Variants in ZFYVE16 observed in about 807,000 individuals in gnomAD.
ZFYVE16 encodes zinc finger FYVE-type containing 16.
In ZFYVE16, 89 loss-of-function variants were observed where a neutral mutation model predicts 138.1. That is an observed-to-expected ratio of 0.64 (90% CI 0.54 to 0.77). The LOEUF (loss-of-function observed/expected upper bound fraction) is 0.77, where lower values mean the gene tolerates loss of function less well. Among genes scored for constraint, ZFYVE16 ranks in the 30% least tolerant of loss-of-function variants. ZFYVE16 has a pLI of 0.00. For missense variants in ZFYVE16, 1,793 were observed against 1,786.7 expected (o/e 1.00, Z -0.06); for synonymous variants, 596 against 618.3 (o/e 0.96, Z 0.53).
At chr5:80,444,852 T>C (rs963353605) in intron 6 of ZFYVE16, among the ~76,000 whole-genome samples, 18 of 152,140 alleles carry the variant, frequency 1.2e-4, no homozygotes, top group African/African-American at 3.9e-4. Context: ...TAAATTTTAT[T>C]CAGTCTCTAC....
chr5:80,430,327 T>C (rs1255048383), intron 2 of ZFYVE16, among the ~76,000 whole-genome samples: 1 of 151,668 alleles, frequency 6.6e-6, no homozygotes, highest in African/African-American at 2.4e-5. Context: ...AACAACCTGC[T>C]CCTGAATGAC....
chr5:80,457,260 T>C (rs2112479724), intron 14 of ZFYVE16, among the ~76,000 whole-genome samples, 168 bp downstream of exon 14: 1 of 152,390 alleles, frequency 6.6e-6, no homozygotes, highest in East Asian at 1.9e-4. Flanking sequence ...CTTCTAATTT[T>C]TGTTTTTCTC....
chr5:80,429,208 A>T (rs1185040469), intron 2 of ZFYVE16, among the ~76,000 whole-genome samples: 7 of 152,236 alleles, frequency 4.6e-5, no homozygotes, highest in Non-Finnish European at 7.3e-5. Context: ...CCAGAGAGAA[A>T]GGTCAGGTTA....
At chr5:80,454,663 C>G (rs557882546) in intron 11 of ZFYVE16, 1 of 152,344 alleles carries the variant, frequency 6.6e-6, no homozygotes. Context: ...CCCGCCACCA[C>G]GCCCGGCTAA....
intron 2 of ZFYVE16, among the ~76,000 whole-genome samples, chr5:80,433,704 A>G (rs1306444137): frequency 6.6e-6 from 1 of 152,156 alleles, no homozygotes; most frequent in East Asian, 1.9e-4. Flanking sequence ...AAAAAAGAAA[A>G]AAAAAAGCAT....
In ZFYVE16 at chr5:80,445,381, T is replaced by C. The variant is rs1258214827; in HGVS notation, c.2700T>C (p.Ser900=). Residue 900 remains serine, a synonymous_variant, in exon 7 of 19, where the codon AGT becomes AGC. Transcript: ENST00000505560. ...GTAAAAGATGTTCTGAAGACTTTAGTCCTCTCTCACCTGATGTGCCTATGG... is the reference window on the plus strand; with the variant it reads ...GTAAAAGATGTTCTGAAGACTTTAGCCCTCTCTCACCTGATGTGCCTATGG... The part of the protein sequence containing the change: ...SGSKRCSEDF[S]PLSPDVPMTV... 6.2e-7 allele frequency: 1 copy of C among 1,613,868 alleles called. No homozygotes were observed. The highest frequency in any genetic ancestry group is 8.5e-7 in the Non-Finnish European group (1 of 1,179,918).
In ZFYVE16 at chr5:80,437,521, AAG is replaced by A. The variant is rs1750104103; in HGVS notation, c.839_840del (p.Glu280GlyfsTer30). ...TTACTAAAAGATGTTGGCTTAGTAA[AAG>A]AGGAAGTAGATGTGGCAGTCATAAC... On this transcript the variant is annotated frameshift_variant, in exon 4 of 19. Transcript: ENST00000505560. LOFTEE classifies it high-confidence loss of function. 6.2e-7 allele frequency: 1 copy of A among 1,613,692 alleles called. No individual in the cohort carries two copies. The highest frequency in any genetic ancestry group is 8.5e-7 in the Non-Finnish European group (1 of 1,179,926).
chr5:80,448,437 T>A, intron 8 of ZFYVE16, 33 bp downstream of exon 8: 2 of 1,433,756 alleles, frequency 1.4e-6, no homozygotes, highest in Non-Finnish European at 1.8e-6. Context: ...TTAAAAAGAT[T>A]TAAAAATATA....
At chr5:80,456,015 C>G in intron 12 of ZFYVE16, 1 of 430,146 alleles carries the variant, frequency 2.3e-6, no homozygotes, top group Non-Finnish European at 4.1e-6. Context: ...GATTCATTCT[C>G]CTGCAGTTCT....
intron 13 of ZFYVE16, 133 bp from the exon 14 acceptor site, chr5:80,456,812 C>T (rs550117259): frequency 1.6e-4 from 177 of 1,095,164 alleles, no homozygotes; most frequent in Non-Finnish European, 2.1e-4. Flanking sequence ...CATTTGTTTC[C>T]ATCACATTCC....
At chr5:80,461,120 G>A (rs940869315) in intron 15 of ZFYVE16, among the ~76,000 whole-genome samples, 4 of 152,086 alleles carry the variant, frequency 2.6e-5, no homozygotes, top group Admixed American at 6.5e-5. Flanking sequence ...TTTGAGCGCC[G>A]ACATGACACT....
chr5:80,420,941 A>G (rs1747059796), intron 1 of ZFYVE16, among the ~76,000 whole-genome samples: 1 of 152,178 alleles, frequency 6.6e-6, no homozygotes, highest in Non-Finnish European at 1.5e-5. Context: ...GTTTCTCCAC[A>G]TCCTCTCCAG....
intron 16 of ZFYVE16, among the ~76,000 whole-genome samples, chr5:80,473,490 A>G (rs1381844948): frequency 1.3e-5 from 2 of 152,142 alleles, no homozygotes; most frequent in Admixed American, 6.6e-5. Flanking sequence ...CAGCTTTTCT[A>G]TTAGACTATC....
Position 80,438,330 on chromosome 5 carries a change from T to G in ZFYVE16, c.1645T>G (p.Ser549Ala), listed in dbSNP as rs1304776359. Residue 549 changes from serine to alanine, a missense_variant, in exon 4 of 19, where the codon TCT (serine) becomes GCT (alanine). This residue lies in a region of ZFYVE16 where 1,295 missense variants were observed against 1,204.3 expected (regional missense o/e 1.08). Transcript: ENST00000505560. ...GTATCTTCAGACCACTAACATAAAG[T>G]CTTTTGAAGAAAATGTAAATGACTC... is the stretch of plus-strand genomic sequence containing the variant. ...EQYLQTTNIK[S>A]FEENVNDSKS... 1.2e-6 allele frequency: 2 copies of G among 1,613,486 alleles called. No individual in the cohort carries two copies. The highest frequency in any genetic ancestry group is 2.7e-5 in the African/African-American group (2 of 74,816).
intron 14 of ZFYVE16, among the ~76,000 whole-genome samples, chr5:80,457,674 C>T (rs923806652): frequency 4.6e-5 from 7 of 151,910 alleles, no homozygotes; most frequent in African/African-American, 1.7e-4. Flanking sequence ...AAATTTTTTC[C>T]TCTGCTTATA....
In ZFYVE16 at chr5:80,449,708, T is replaced by C; in HGVS notation, c.3221T>C (p.Ile1074Thr). 6.3e-7 allele frequency: 1 copy of C among 1,592,578 alleles called. No individual in the cohort carries two copies. Among genetic ancestry groups the C allele is most frequent in the Non-Finnish European group, 8.5e-7 (1 of 1,172,376 alleles). The change falls in exon 9 of 19, where the codon ATA (isoleucine) becomes ACA (threonine). Residue 1074 changes from isoleucine (I) to threonine (T), a missense_variant. Coordinates refer to ENST00000505560, the MANE Select transcript of ZFYVE16 (RefSeq NM_001284236.3). ...AATCTACTCGTGAATGTCAAATTCATATTTTGTAAGTAATAATTTATCCTT... is the reference window on the plus strand; with the variant it reads ...AATCTACTCGTGAATGTCAAATTCACATTTTGTAAGTAATAATTTATCCTT... ...NANLLVNVKF[I>T]FYSSDKYWYF...
chr5:80,469,025 A>T (rs1754016140), intron 15 of ZFYVE16, among the ~76,000 whole-genome samples: 1 of 151,274 alleles, frequency 6.6e-6, no homozygotes, highest in Non-Finnish European at 1.5e-5. Flanking sequence ...TTTATGTGCC[A>T]TATCTGTCAT....
Position 80,448,309 on chromosome 5 carries a change from A to C in ZFYVE16, c.3008A>C (p.Asp1003Ala). 1 of 1,612,568 alleles carries C rather than the reference A, an allele frequency of 6.2e-7. No homozygotes were observed. Among genetic ancestry groups the C allele is most frequent in the South Asian group, 1.1e-5 (1 of 90,970 alleles). The change falls in exon 8 of 19, where the codon GAT becomes GCT. Residue 1003 changes from aspartate (D) to alanine (A), a missense_variant. By Grantham distance (126) the Asp-to-Ala change is moderately radical. This residue lies in a region of ZFYVE16 where 1,295 missense variants were observed against 1,204.3 expected (regional missense o/e 1.08). Transcript: ENST00000505560. ...ATTTCAGATTATAGGTTACTGTGTG[A>C]TATTAACAAGTATGTCTGCAATAAG... is the stretch of plus-strand genomic sequence containing the variant. ...ASISDYRLLCDINKYVCNKIS... is the reference protein window; with the variant it reads ...ASISDYRLLCAINKYVCNKIS...
chr5:80,456,929 TTTTG>T lies in ZFYVE16; in HGVS notation c.3796-12_3796-9del. ...AGTGTTTCTAAATAAATGTTGTTGTTTTTGTTTTTTTCCAGGTAATGAAAGTACT... is the reference window on the plus strand; with the variant it reads ...AGTGTTTCTAAATAAATGTTGTTGTTTTTTTTTCCAGGTAATGAAAGTACT... On this transcript the variant is annotated splice_polypyrimidine_tract_variant and intron_variant, in intron 13 of 18. Coordinates refer to ENST00000505560, the MANE Select transcript of ZFYVE16 (RefSeq NM_001284236.3). 6.3e-7 allele frequency: 1 copy of T among 1,580,156 alleles called. No individual in the cohort carries two copies. Among genetic ancestry groups the T allele is most frequent in the Non-Finnish European group, 8.6e-7 (1 of 1,169,364 alleles).
Sources: allele counts gnomAD v4.1 joint callset (sites outside exome capture counted in the v4.1 genomes callset), GRCh38; gene constraint gnomAD v4.1.1; regional missense constraint gnomAD v4.1.1; transcripts MANE v1.5; gene names NCBI Gene and HGNC (gene_info 2026-07-23, HGNC 2026-07-21).